Variants in OCA2 observed in about 807,000 individuals in gnomAD.
OCA2 encodes P protein.
OCA2 carries 77 observed loss-of-function variants against 100.2 expected under a neutral mutation model. The observed-to-expected ratio is 0.77, with a 90% CI of 0.64 to 0.93. OCA2 has a LOEUF of 0.93. Among genes scored for constraint, OCA2 ranks in the 40% least tolerant of loss-of-function variants. OCA2 has a pLI of 0.00. For missense variants in OCA2, 1,062 were observed against 1,089.1 expected, an observed-to-expected ratio of 0.98 and a Z score of 0.35; for synonymous variants, 432 against 439.2, an observed-to-expected ratio of 0.98 and a Z score of 0.21.
Position 27,755,572 on chromosome 15 carries a change from A to G in OCA2, c.2433-100T>C, listed in dbSNP as rs1378139788. ...GAGAACATGGCCTTAGCACCTTTGC[A>G]TTTTCACAATGGCCACTACCTTTTA... is the stretch of plus-strand genomic sequence containing the variant. On this transcript the variant is annotated intron_variant, in intron 23 of 23. Coordinates refer to ENST00000354638, the MANE Select transcript of OCA2 (RefSeq NM_000275.3). 8.1e-6 allele frequency: 7 copies of G among 865,482 alleles called. 1 individual carries two copies. In the Admixed American group the frequency reaches 9.3e-5, roughly 12 times the overall value. 53.6% of individuals were successfully genotyped at this position (865,482 alleles called of 1,614,324 possible).
intron 1 of OCA2, among the ~76,000 whole-genome samples, chr15:28,093,220 G>A (rs1330592311): frequency 3.3e-5 from 5 of 151,996 alleles, no homozygotes; most frequent in East Asian, 1.9e-4. Flanking sequence ...TCAGGAGTTC[G>A]AAACCAGCCT....
rs149160288 is a variant in OCA2, at chr15:27,890,256, TA to T, written c.2080-18335del. Among the ~76,000 whole-genome samples the T allele has an allele frequency of 5.2e-3, 797 of 152,172 alleles. 9 individuals carry two copies. Among genetic ancestry groups the T allele is most frequent in the African/African-American group, 0.018 (742 of 41,498 alleles). On this transcript the variant is annotated intron_variant, in intron 19 of 23. Transcript: ENST00000354638. ...TCATGTCACTGGAGTACTAGAAGGA[TA>T]AAAGAATTAGAGCAAGGTTAGAAAA...
At chr15:27,743,544 G>A in the OCA2 span, among the ~76,000 whole-genome samples, 1 of 152,128 alleles carries the variant, frequency 6.6e-6, no homozygotes, top group Admixed American at 6.5e-5. Flanking sequence ...CAGAGTGTCA[G>A]CAATGCAACA....
chr15:27,755,562 G>A (rs1595357791), intron 23 of OCA2, 90 bp from the exon 24 acceptor site: 1 of 984,430 alleles, frequency 1.0e-6, no homozygotes, highest in East Asian at 2.4e-5. Flanking sequence ...CATGGCCTTA[G>A]CACCTTTGCA....
chr15:27,833,772 G>C (rs937759525), intron 23 of OCA2, among the ~76,000 whole-genome samples: 4 of 152,086 alleles, frequency 2.6e-5, no homozygotes, highest in Non-Finnish European at 5.9e-5. Flanking sequence ...CAACTTTATA[G>C]TCTAAGCGTA....
At chr15:27,733,833 C>A in the OCA2 span, among the ~76,000 whole-genome samples, 1 of 151,768 alleles carries the variant, frequency 6.6e-6, no homozygotes, top group Non-Finnish European at 1.5e-5. Flanking sequence ...ATTAAAATAT[C>A]ATTTAAAATA....
In OCA2 at chr15:27,834,832, C is replaced by T. The variant is rs115218560; in HGVS notation, c.2432+10127G>A. On this transcript the variant is annotated intron_variant, in intron 23 of 23. Transcript: ENST00000354638. ...GCTGGGGACTCAGCCGCGGTAAACA[C>T]GAGGTGCTGCACAGGCACCTGCTCC... Among the ~76,000 whole-genome samples the T allele has an allele frequency of 5.7e-3, 866 of 152,286 alleles. 13 individuals carry two copies. The highest frequency in any genetic ancestry group is 0.02 in the African/African-American group (828 of 41,550).
intron 19 of OCA2, among the ~76,000 whole-genome samples, chr15:27,921,433 A>C (rs2140335678): frequency 6.6e-6 from 1 of 152,370 alleles, no homozygotes; most frequent in Middle Eastern, 3.4e-3. Flanking sequence ...GATTTGCTTT[A>C]CAAGATCTAC....
intron 2 of OCA2, 61 bp from the exon 3 acceptor site, chr15:28,032,224 C>A: frequency 4.9e-6 from 6 of 1,225,846 alleles, no homozygotes; most frequent in Non-Finnish European, 7.3e-6. Flanking sequence ...GTGTTCCCAG[C>A]ACTCAGGTGC....
chr15:27,911,434 G>A (rs756197734), intron 19 of OCA2, among the ~76,000 whole-genome samples: 1 of 152,102 alleles, frequency 6.6e-6, no homozygotes, highest in African/African-American at 2.4e-5. Flanking sequence ...AAAAAGAAAA[G>A]AGAAAATAAA....
At chr15:27,786,379 T>C (rs779813595) in intron 23 of OCA2, among the ~76,000 whole-genome samples, 1 of 152,186 alleles carries the variant, frequency 6.6e-6, no homozygotes, top group Non-Finnish European at 1.5e-5. Context: ...AGACGAGTTA[T>C]CATCTAAATA....
chr15:27,819,160 G>T (rs926514934), intron 23 of OCA2, among the ~76,000 whole-genome samples: 1 of 152,196 alleles, frequency 6.6e-6, no homozygotes, highest in Non-Finnish European at 1.5e-5. Flanking sequence ...TTATAAGGCT[G>T]CTGTGAGGAC....
At position 27,896,124 on chromosome 15, in the gene OCA2, T is replaced by A. The variant is rs866963262; in HGVS notation, c.2080-24202A>T. ...TGGTCAGCCAAGTGCCTTTACCTGC[T>A]ATATGGATGCAGGCCTTGCCAGAAC... On this transcript the variant is annotated intron_variant, in intron 19 of 23. Transcript: ENST00000354638. The A allele has an allele frequency of 1.5e-5, 16 of 1,048,058 alleles. No individual in the cohort carries two copies. In the Middle Eastern group the frequency reaches 1.3e-3, roughly 86 times the overall value. 64.9% of individuals were successfully genotyped at this position (1,048,058 alleles called of 1,614,324 possible). A position where few individuals can be genotyped will look rare whatever the true frequency, so the allele number is the denominator to read the frequency against.
At chr15:28,092,871 C>T (rs2044893839) in intron 1 of OCA2, among the ~76,000 whole-genome samples, 2 of 152,104 alleles carry the variant, frequency 1.3e-5, no homozygotes, top group African/African-American at 4.8e-5. Flanking sequence ...TATTAAAGAA[C>T]ATCTGCAAAA....
At chr15:27,922,987 CCA>C (rs1383643999) in intron 19 of OCA2, among the ~76,000 whole-genome samples, 1 of 152,056 alleles carries the variant, frequency 6.6e-6, no homozygotes. Context: ...CCAGTAGGCC[CCA>C]GTGTGTGTTG....
At chr15:27,860,795 A>G (rs559793696) in intron 21 of OCA2, among the ~76,000 whole-genome samples, 2 of 152,314 alleles carry the variant, frequency 1.3e-5, no homozygotes, top group East Asian at 3.9e-4. Context: ...GAATGATTCC[A>G]TCTCCTTTGG....
intron 19 of OCA2, among the ~76,000 whole-genome samples, chr15:27,902,050 G>T (rs2037959143): frequency 6.6e-6 from 1 of 152,166 alleles, no homozygotes; most frequent in South Asian, 2.1e-4. Flanking sequence ...GAAAGGATTT[G>T]ATTAAATAAT....
intron 15 of OCA2, among the ~76,000 whole-genome samples, chr15:27,961,860 A>G (rs913342351): frequency 6.6e-6 from 1 of 152,170 alleles, no homozygotes; most frequent in East Asian, 1.9e-4. Context: ...TGACAGGTTC[A>G]TGGGTGCAGC....
At chr15:27,811,167 C>A (rs2034060244) in intron 23 of OCA2, among the ~76,000 whole-genome samples, 1 of 149,676 alleles carries the variant, frequency 6.7e-6, no homozygotes, top group Non-Finnish European at 1.5e-5. Flanking sequence ...GCTATATATA[C>A]ACCATGGAAT....
Sources: gnomAD v4.1 joint callset for allele counts (sites outside exome capture counted in the v4.1 genomes callset) on GRCh38, gnomAD v4.1.1 for gene constraint, MANE v1.5 for transcripts, NCBI Gene and HGNC (gene_info 2026-07-23, HGNC 2026-07-21) for gene names.